Variants in CFAP20DC observed in about 807,000 individuals in gnomAD.
The protein encoded by CFAP20DC is CFAP20 domain containing.
Under a neutral mutation model 101.7 loss-of-function variants are expected in CFAP20DC, and 84 were observed. The ratio of observed to expected loss-of-function variants is 0.83; its 90% CI spans 0.69 to 0.99. CFAP20DC has a LOEUF of 0.99. Ranked by LOEUF, CFAP20DC falls within the 50% of genes least tolerant of loss-of-function variation. CFAP20DC has a pLI of 0.00. For synonymous variants in CFAP20DC, 359 were observed against 351.2 expected (o/e 1.02, Z -0.25); for missense variants, 1,007 against 970.3 (o/e 1.04, Z -0.50).
chr3:58,833,666 TC>T (rs2076547861), intron 13 of CFAP20DC, among the ~76,000 whole-genome samples: 2 of 152,206 alleles, frequency 1.3e-5, no homozygotes, highest in South Asian at 4.1e-4. Flanking sequence ...GTTTGGCAGT[TC>T]CTCAAAATGT....
At chr3:58,902,988 A>G (rs2083278971) in intron 6 of CFAP20DC, among the ~76,000 whole-genome samples, 1 of 152,254 alleles carries the variant, frequency 6.6e-6, no homozygotes, top group East Asian at 1.9e-4. Flanking sequence ...GGCTGACTAT[A>G]TTCCGGGTAC....
chr3:58,941,726 C>T (rs540067488), intron 4 of CFAP20DC, among the ~76,000 whole-genome samples: 1 of 152,066 alleles, frequency 6.6e-6, no homozygotes, highest in South Asian at 2.1e-4. Flanking sequence ...CCGCCACTGC[C>T]CTCGGCTAAT....
rs1466511945 is a variant in CFAP20DC at position 58,971,435 on chromosome 3, C to A, written c.279-33673G>T. 6.6e-6 allele frequency among the ~76,000 whole-genome samples: 1 copy of A among 152,120 alleles called. No homozygotes were observed. The highest frequency in any genetic ancestry group is 6.6e-5 in the Admixed American group (1 of 15,242). On this transcript the variant is annotated intron_variant, in intron 4 of 16. Transcript: ENST00000482387. The surrounding 1 kb of genome is among the most constrained non-coding windows in gnomAD (Gnocchi z 4.1). Reference sequence around the variant, plus strand: ...TATCTCCGACATTCACTCTTTAGATCTTTCTATCCTTCCTCACCTATGCTC... The same window carrying A: ...TATCTCCGACATTCACTCTTTAGATATTTCTATCCTTCCTCACCTATGCTC...
chr3:58,976,105 C>T (rs1576556369), intron 4 of CFAP20DC, among the ~76,000 whole-genome samples: 1 of 152,196 alleles, frequency 6.6e-6, no homozygotes, highest in Non-Finnish European at 1.5e-5. Flanking sequence ...TTCACTTATA[C>T]ACCACATTAT....
chr3:58,983,528 A>G (rs1224167227), intron 4 of CFAP20DC, among the ~76,000 whole-genome samples: 1 of 152,194 alleles, frequency 6.6e-6, no homozygotes, highest in East Asian at 1.9e-4. Context: ...ACAAAATCAG[A>G]GCAAAACACT....
intron 4 of CFAP20DC, among the ~76,000 whole-genome samples, chr3:58,948,962 T>A (rs1347906063): frequency 6.6e-6 from 1 of 152,226 alleles, no homozygotes; most frequent in Non-Finnish European, 1.5e-5. Flanking sequence ...TGCCTCAATT[T>A]CAGAACCTGT....
rs1440678143 is a variant in CFAP20DC, at chr3:58,859,975, G to A, written c.1593+3583C>T. Among the ~76,000 whole-genome samples the A allele has an allele frequency of 6.6e-6, 1 of 151,774 alleles. No individual in the cohort carries two copies. Among genetic ancestry groups the A allele is most frequent in the Non-Finnish European group, 1.5e-5 (1 of 67,948 alleles). On this transcript the variant is annotated intron_variant, in intron 12 of 16. Transcript: ENST00000482387. This position sits in a 1 kb window ranked among gnomAD's most constrained non-coding sequence, Gnocchi z 4.1. ...AGGCAGATCACGAGGTCAGGAGATC[G>A]AGACCATCCTGGCCAACATGGTGAA...
intron 4 of CFAP20DC, among the ~76,000 whole-genome samples, chr3:58,941,191 T>C (rs2088511950): frequency 6.6e-6 from 1 of 151,368 alleles, no homozygotes; most frequent in African/African-American, 2.4e-5. Flanking sequence ...TAGCTGGGTG[T>C]AGTGGCACAT....
intron 6 of CFAP20DC, among the ~76,000 whole-genome samples, chr3:58,893,427 G>C (rs141578465): frequency 6.6e-6 from 1 of 152,318 alleles, no homozygotes; most frequent in East Asian, 1.9e-4. Flanking sequence ...CTGTGTATGT[G>C]ATGAATGACA....
intron 4 of CFAP20DC, among the ~76,000 whole-genome samples, chr3:58,960,322 A>G (rs916486458): frequency 2.0e-5 from 3 of 150,958 alleles, no homozygotes; most frequent in Non-Finnish European, 4.4e-5. Flanking sequence ...GAGAAACCCC[A>G]TCTCTACTGA....
At chr3:58,903,096 G>A (rs1242883220) in intron 6 of CFAP20DC, among the ~76,000 whole-genome samples, 1 of 152,066 alleles carries the variant, frequency 6.6e-6, no homozygotes, top group African/African-American at 2.4e-5. Context: ...CTCACATGCT[G>A]TAGGTTTTCT....
chr3:59,039,647 T>C lies in CFAP20DC; in HGVS notation c.206-18A>G, dbSNP rs750481094. 8.1e-5 allele frequency: 118 copies of C among 1,454,468 alleles called. 1 individual carries two copies. The Admixed American group carries it at 1.0e-3, about 13-fold the overall frequency. The allele number at this position is 1,454,468 out of a possible 1,614,324, so 90.1% of individuals were successfully genotyped here. ...CAATCCAACTAGAATGAAGAGGAAA[T>C]ACACATTCAAATGTTCGAAGCATTT... On this transcript the variant is annotated intron_variant, in intron 3 of 16. Transcript: ENST00000482387.
chr3:59,041,928 C>A (rs563635328), intron 3 of CFAP20DC, among the ~76,000 whole-genome samples: 1 of 152,240 alleles, frequency 6.6e-6, no homozygotes, highest in African/African-American at 2.4e-5. Context: ...GCACCTACTA[C>A]GTACAAGACT....
chr3:59,035,519 T>G (rs959470976), intron 4 of CFAP20DC, among the ~76,000 whole-genome samples: 1 of 152,146 alleles, frequency 6.6e-6, no homozygotes, highest in African/African-American at 2.4e-5. Flanking sequence ...ATTTCACCAC[T>G]GATCCCACAG....
intron 5 of CFAP20DC, among the ~76,000 whole-genome samples, chr3:58,932,031 T>C (rs1176686501): frequency 6.6e-6 from 1 of 151,934 alleles, no homozygotes; most frequent in Non-Finnish European, 1.5e-5. Context: ...TGGAAAAAAA[T>C]TTAGACGAAT....
intron 6 of CFAP20DC, among the ~76,000 whole-genome samples, chr3:58,898,375 A>G (rs552949835): frequency 6.6e-6 from 1 of 152,192 alleles, no homozygotes; most frequent in African/African-American, 2.4e-5. Flanking sequence ...GGGTTTCACC[A>G]TGTTGGCCAG....
chr3:58,844,834 A>G (rs1248815697), intron 13 of CFAP20DC, among the ~76,000 whole-genome samples: 1 of 139,676 alleles, frequency 7.2e-6, no homozygotes, highest in Non-Finnish European at 1.5e-5. Context: ...AGTGCAATCA[A>G]ACTAGAACTC....
At chr3:58,777,408 T>C (rs1256090131) in intron 15 of CFAP20DC, among the ~76,000 whole-genome samples, 1 of 152,210 alleles carries the variant, frequency 6.6e-6, no homozygotes, top group Non-Finnish European at 1.5e-5. Context: ...GTCACAGGCG[T>C]GCATCATTAA....
chr3:58,796,177 C>G (rs769632853), intron 15 of CFAP20DC, among the ~76,000 whole-genome samples: 129 of 152,110 alleles, frequency 8.5e-4, no homozygotes, highest in Non-Finnish European at 1.1e-3. Flanking sequence ...GGCAGGTCAA[C>G]AAGTACCAAG....
Sources: allele counts gnomAD v4.1 joint callset (sites outside exome capture counted in the v4.1 genomes callset), GRCh38; gene constraint gnomAD v4.1.1; non-coding constraint Gnocchi (gnomAD v3.1); transcripts MANE v1.5; gene names NCBI Gene and HGNC (gene_info 2026-07-23, HGNC 2026-07-21).